PHF14: variants seen among roughly 807,000 people sequenced by gnomAD.
PHF14 encodes PHD finger protein 14.
PHF14 carries 55 observed loss-of-function variants against 117.9 expected under a neutral mutation model. That is an observed-to-expected ratio of 0.47 (90% CI 0.38 to 0.58). The LOEUF (loss-of-function observed/expected upper bound fraction) is 0.58, where lower values mean the gene tolerates loss of function less well. Among genes scored for constraint, PHF14 ranks in the 20% least tolerant of loss-of-function variants. The pLI, the probability that PHF14 is intolerant of heterozygous loss-of-function variation, is 0.00. For synonymous variants in PHF14, 409 were observed against 368.6 expected (o/e 1.11, Z -1.26); for missense variants, 978 against 1,122.2 (o/e 0.87, Z 1.84).
intron 5 of PHF14, among the ~76,000 whole-genome samples, chr7:11,016,626 A>G (rs889824147): frequency 6.6e-6 from 1 of 152,060 alleles, no homozygotes; most frequent in Non-Finnish European, 1.5e-5. Context: ...TACATAGTAG[A>G]TATGTATATT....
chr7:11,004,246 C>CA (rs55917513), intron 4 of PHF14, among the ~76,000 whole-genome samples: 1,779 of 50,158 alleles, frequency 0.035, 28 homozygotes, highest in Non-Finnish European at 0.042. Flanking sequence ...GACTTTGTCT[C>CA]AAAAAAAAAA....
intron 13 of PHF14, among the ~76,000 whole-genome samples, chr7:11,043,975 A>AG (rs1461147456): frequency 2.0e-5 from 3 of 152,040 alleles, no homozygotes; most frequent in Non-Finnish European, 4.4e-5. Context: ...CCAGCATGTG[A>AG]GAGTTTCTGC....
chr7:11,140,939 T>G (rs1583496820), intron 17 of PHF14, among the ~76,000 whole-genome samples: 1 of 152,208 alleles, frequency 6.6e-6, no homozygotes, highest in South Asian at 2.1e-4. Flanking sequence ...TTTGTTACAT[T>G]TATTATGTTT....
rs139158319 is a variant in PHF14, at chr7:11,077,226, A to C, written c.2654+15141A>C. On this transcript the variant is annotated intron_variant, in intron 16 of 17. Coordinates refer to ENST00000634607, the MANE Select transcript of PHF14 (RefSeq NM_001007157.2). ...ATTGCTCTAATTATAAATTGAAGAA[A>C]CCTCTGAATATATAGGCATAATTAT... Among the ~76,000 whole-genome samples the C allele has an allele frequency of 4.9e-3, 750 of 151,990 alleles. 4 individuals carry two copies. Among genetic ancestry groups the C allele is most frequent in the South Asian group, 0.02 (96 of 4,818 alleles).
chr7:11,151,718 C>T (rs1025138100), intron 17 of PHF14, among the ~76,000 whole-genome samples: 2 of 151,986 alleles, frequency 1.3e-5, no homozygotes, highest in African/African-American at 4.8e-5. Context: ...CATGCATGGC[C>T]CTAGCTCTGT....
chr7:11,076,567 C>CTTTTT (rs71023886), intron 16 of PHF14, among the ~76,000 whole-genome samples: 5 of 124,750 alleles, frequency 4.0e-5, no homozygotes, highest in Non-Finnish European at 8.3e-5. Flanking sequence ...TTTTCTTTTT[C>CTTTTT]TTTTTTTTTT....
At position 11,044,287 on chromosome 7, in the gene PHF14, C is replaced by T. The variant is rs942616865; in HGVS notation, c.2312+1473C>T. On this transcript the variant is annotated intron_variant, in intron 13 of 17. Transcript: ENST00000634607. ...CATGCAGTATACCCATGTAACAAACCTGTGCATATACCCCCTGATCTAAAA... is the reference window on the plus strand; with the variant it reads ...CATGCAGTATACCCATGTAACAAACTTGTGCATATACCCCCTGATCTAAAA... Among the ~76,000 whole-genome samples the T allele has an allele frequency of 2.6e-5, 4 of 151,808 alleles. No homozygotes were observed. The South Asian group carries it at 8.3e-4, about 31-fold the overall frequency.
At chr7:11,041,424 T>TTGTGTGTG (rs58282147) in intron 12 of PHF14, among the ~76,000 whole-genome samples, 14 of 150,378 alleles carry the variant, frequency 9.3e-5, no homozygotes, top group African/African-American at 3.2e-4. Context: ...GCTGGTGTTT[T>TTGTGTGTG]TGTGTGTGTG....
intron 17 of PHF14, among the ~76,000 whole-genome samples, chr7:11,123,520 A>G (rs545837751): frequency 6.6e-6 from 1 of 152,118 alleles, no homozygotes; most frequent in African/African-American, 2.4e-5. Context: ...AGTGGCTCAC[A>G]CCTGTATTCC....
intron 16 of PHF14, chr7:11,110,352 G>C (rs1003321087): frequency 4.6e-5 from 7 of 153,442 alleles, no homozygotes; most frequent in African/African-American, 1.4e-4. Context: ...GATTGGTTGA[G>C]AAAGTATTAT....
chr7:11,006,645 A>C (rs1475309054), intron 4 of PHF14: 1 of 617,078 alleles, frequency 1.6e-6, no homozygotes, highest in African/African-American at 1.8e-5. Flanking sequence ...AAACTTGATG[A>C]TGGTATAGTA....
chr7:11,140,462 G>A (rs1041787067), intron 17 of PHF14, among the ~76,000 whole-genome samples: 2 of 152,044 alleles, frequency 1.3e-5, no homozygotes, highest in African/African-American at 4.8e-5. Context: ...TATGAATGCA[G>A]TTATAGAAGC....
chr7:11,081,730 C>T (rs1343273555), intron 16 of PHF14, among the ~76,000 whole-genome samples: 1 of 152,020 alleles, frequency 6.6e-6, no homozygotes, highest in Non-Finnish European at 1.5e-5. Flanking sequence ...GTGGCACGTG[C>T]CTGTAGTCCC....
At chr7:11,148,099 A>G (rs138412237) in intron 17 of PHF14, among the ~76,000 whole-genome samples, 106 of 152,164 alleles carry the variant, frequency 7.0e-4, no homozygotes, top group African/African-American at 2.5e-3. Flanking sequence ...ACATTACAGT[A>G]CTCCAAGTTA....
chr7:11,028,827 A>G lies in PHF14; in HGVS notation c.1455+9A>G, dbSNP rs373161301. 2 of 1,611,992 alleles carry G rather than the reference A, an allele frequency of 1.2e-6. No homozygotes were observed. Among genetic ancestry groups the G allele is most frequent in the South Asian group, 1.1e-5 (1 of 90,916 alleles). On this transcript the variant is annotated intron_variant, in intron 7 of 17. Coordinates refer to ENST00000634607, the MANE Select transcript of PHF14 (RefSeq NM_001007157.2). ...AGGCAGCGGCGGAAGAGGTAGGTTT[A>G]TTTAAACCCATAGTTGGTGAACATG...
At chr7:11,017,683 A>G (rs564166999) in intron 5 of PHF14, among the ~76,000 whole-genome samples, 1 of 151,772 alleles carries the variant, frequency 6.6e-6, no homozygotes, top group Non-Finnish European at 1.5e-5. Flanking sequence ...ATTTGCAAAT[A>G]TTTTCTCCCA....
chr7:11,019,764 A>G (rs1783668128), intron 5 of PHF14, among the ~76,000 whole-genome samples: 1 of 151,876 alleles, frequency 6.6e-6, no homozygotes, highest in Admixed American at 6.6e-5. Flanking sequence ...TTATTAATCT[A>G]CTAATTTTGG....
chr7:11,029,026 A>G (rs990206874), intron 7 of PHF14, among the ~76,000 whole-genome samples: 2 of 152,200 alleles, frequency 1.3e-5, no homozygotes, highest in Admixed American at 6.5e-5. Context: ...CATAATTTTT[A>G]TAGTGAGATC....
At chr7:11,048,002 A>G (rs1784733441) in intron 13 of PHF14, among the ~76,000 whole-genome samples, 1 of 151,766 alleles carries the variant, frequency 6.6e-6, no homozygotes, top group Non-Finnish European at 1.5e-5. Flanking sequence ...TTTCAACATG[A>G]AAGTTATTCT....
Sources: allele counts gnomAD v4.1 joint callset (sites outside exome capture counted in the v4.1 genomes callset), GRCh38; gene constraint gnomAD v4.1.1; transcripts MANE v1.5; gene names NCBI Gene and HGNC (gene_info 2026-07-23, HGNC 2026-07-21).